The following HIVEP3 variants were observed in gnomAD, a reference collection of about 807,000 sequenced individuals.
HIVEP3 encodes the protein transcription factor HIVEP3.
In HIVEP3, 49 loss-of-function variants were observed where a neutral mutation model predicts 152.8. That is an observed-to-expected ratio of 0.32 (90% CI 0.26 to 0.41). The LOEUF is 0.41. Among genes scored for constraint, HIVEP3 ranks in the 10% least tolerant of loss-of-function variants. The pLI is 1.00. For synonymous variants in HIVEP3, 1,269 were observed against 1,289.0 expected (o/e 0.98, Z 0.33); for missense variants, 2,790 against 3,103.3 (o/e 0.90, Z 2.40).
intron 2 of HIVEP3, among the ~76,000 whole-genome samples, chr1:41,633,050 C>A (rs528192666): frequency 6.6e-6 from 1 of 152,020 alleles, no homozygotes; most frequent in Non-Finnish European, 1.5e-5. Flanking sequence ...TGGCTGCGGT[C>A]GTGAGGCTGG....
intron 3 of HIVEP3, among the ~76,000 whole-genome samples, chr1:41,604,391 TATA>T (rs1477198880): frequency 1.3e-5 from 2 of 152,168 alleles, no homozygotes; most frequent in Non-Finnish European, 2.9e-5. Context: ...ATCTTACAGA[TATA>T]ATAATAAGTA....
chr1:41,622,654 C>G (rs13375256), intron 3 of HIVEP3, among the ~76,000 whole-genome samples: 4,501 of 152,334 alleles, frequency 0.03, 222 homozygotes, highest in African/African-American at 0.1. Context: ...CAAAAGAATG[C>G]TCATTCCTGC....
chr1:41,909,378 T>C (rs1644762251), intron 1 of HIVEP3, among the ~76,000 whole-genome samples: 1 of 152,072 alleles, frequency 6.6e-6, no homozygotes, highest in Admixed American at 6.6e-5. Flanking sequence ...AAAGAATTAC[T>C]AAGGAAACAA....
intron 1 of HIVEP3, among the ~76,000 whole-genome samples, chr1:41,795,678 G>C (rs1649943324): frequency 6.6e-6 from 1 of 152,024 alleles, no homozygotes; most frequent in African/African-American, 2.4e-5. Flanking sequence ...CAACAAATGT[G>C]GTCAGATTCT....
intron 2 of HIVEP3, among the ~76,000 whole-genome samples, chr1:41,629,757 T>C (rs1055879279): frequency 2.6e-5 from 4 of 152,062 alleles, no homozygotes; most frequent in African/African-American, 9.7e-5. Flanking sequence ...TGTCTATTAC[T>C]AAAAAGGCAA....
chr1:41,683,589 G>A (rs1399017562), intron 2 of HIVEP3, among the ~76,000 whole-genome samples: 1 of 152,214 alleles, frequency 6.6e-6, no homozygotes, highest in Admixed American at 6.5e-5. Context: ...AAAGGAAAGG[G>A]TTATTGCCTG....
intron 1 of HIVEP3, among the ~76,000 whole-genome samples, chr1:41,761,757 T>A (rs996981799): frequency 6.6e-6 from 1 of 152,242 alleles, no homozygotes; most frequent in Non-Finnish European, 1.5e-5. Context: ...TGCATGGGTG[T>A]ATATGTGTAG....
chr1:41,887,358 TTTTGTA>T (rs1220412929), intron 1 of HIVEP3, among the ~76,000 whole-genome samples: 6 of 152,236 alleles, frequency 3.9e-5, no homozygotes, highest in Non-Finnish European at 8.8e-5. Context: ...TGGTACCTAA[TTTTGTA>T]TTTGTAATTT....
intron 2 of HIVEP3, among the ~76,000 whole-genome samples, chr1:41,668,241 G>A (rs1175882621): frequency 1.3e-5 from 2 of 152,226 alleles, no homozygotes; most frequent in African/African-American, 2.4e-5. Flanking sequence ...GTCTGGTTCC[G>A]GAGAGGCCTT....
At chr1:41,603,127 C>T (rs570244268) in intron 3 of HIVEP3, among the ~76,000 whole-genome samples, 3 of 151,508 alleles carry the variant, frequency 2.0e-5, no homozygotes, top group Admixed American at 6.6e-5. Context: ...AGTGTAGCGG[C>T]GCGATCTCTG....
At chr1:41,903,270 A>T (rs1386131492) in intron 1 of HIVEP3, among the ~76,000 whole-genome samples, 1 of 152,224 alleles carries the variant, frequency 6.6e-6, no homozygotes, top group Non-Finnish European at 1.5e-5. Context: ...TATGGAGGTC[A>T]CATAGGATGA....
Position 41,579,650 on chromosome 1 carries a change from A to G in HIVEP3, c.5061+87T>C, listed in dbSNP as rs148886186. ...CTACTAGTCTGGCTCTAGTTCTGCA[A>G]CTGGAACCTGAGGATACTGTGGCTT... On this transcript the variant is annotated intron_variant, in intron 4 of 8. Coordinates refer to ENST00000372583, the MANE Select transcript of HIVEP3 (RefSeq NM_024503.5). 3 of 1,461,566 alleles carry G rather than the reference A, an allele frequency of 2.1e-6. No homozygotes were observed. In the African/African-American group the frequency reaches 4.2e-5, roughly 21 times the overall value. The allele number at this position is 1,461,566 out of a possible 1,614,324, so 90.5% of individuals were successfully genotyped here. A position where few individuals can be genotyped will look rare whatever the true frequency, so the allele number is the denominator to read the frequency against.
chr1:41,903,448 T>C (rs1035301639), intron 1 of HIVEP3, among the ~76,000 whole-genome samples: 1 of 152,200 alleles, frequency 6.6e-6, no homozygotes. Flanking sequence ...AGGTCCTTAG[T>C]ATGGTGCTGA....
At chr1:41,889,003 CCA>C (rs1300326189) in intron 1 of HIVEP3, among the ~76,000 whole-genome samples, 2 of 147,502 alleles carry the variant, frequency 1.4e-5, no homozygotes, top group Non-Finnish European at 3.0e-5. Context: ...ACACCACATA[CCA>C]CATACACACA....
chr1:41,577,885 C>T (rs1644349944), intron 4 of HIVEP3, among the ~76,000 whole-genome samples: 1 of 152,192 alleles, frequency 6.6e-6, no homozygotes, highest in South Asian at 2.1e-4. Context: ...TGTGGTTATA[C>T]TAATGTACCA....
At position 41,582,632 on chromosome 1, in the gene HIVEP3, C is replaced by T; in HGVS notation, c.2166G>A (p.Gly722=). 3 of 1,613,956 alleles carry T rather than the reference C, an allele frequency of 1.9e-6. No individual in the cohort carries two copies. The highest frequency in any genetic ancestry group is 2.2e-5 in the South Asian group (2 of 91,026). ...CAAAGGCAGGTGGCTCTTCCTCGTC[C>T]CCAAGGCTCTTCTCTTTCCTCCTCT... ...LRKRRKEKSL[G]DEEEPPAFES... The change falls in exon 4 of 9, where the codon GGG becomes GGA. Residue 722 remains glycine, a synonymous_variant. Transcript: ENST00000372583. This position sits in a 1 kb window ranked among gnomAD's most constrained non-coding sequence, Gnocchi z 4.7.
At chr1:41,782,622 T>G (rs1045336773) in intron 1 of HIVEP3, among the ~76,000 whole-genome samples, 18 of 151,254 alleles carry the variant, frequency 1.2e-4, no homozygotes, top group Admixed American at 9.9e-4. Context: ...ATCCCAGCTA[T>G]TCGGGAGGCT....
intron 1 of HIVEP3, among the ~76,000 whole-genome samples, chr1:42,006,352 G>A (rs755174852): frequency 6.6e-6 from 1 of 152,110 alleles, no homozygotes. Context: ...CAGAGCAGCG[G>A]TTCTGAAACT....
At chr1:41,565,533 C>CAG (rs201944938) in intron 5 of HIVEP3, among the ~76,000 whole-genome samples, 27,733 of 143,834 alleles carry the variant, frequency 0.19, 3,028 homozygotes, top group Non-Finnish European at 0.27. Flanking sequence ...GAAAGACACA[C>CAG]ACACACACAC....
Sources: allele counts gnomAD v4.1 joint callset (sites outside exome capture counted in the v4.1 genomes callset), GRCh38; gene constraint gnomAD v4.1.1; non-coding constraint Gnocchi (gnomAD v3.1); transcripts MANE v1.5; gene names NCBI Gene and HGNC (gene_info 2026-07-23, HGNC 2026-07-21).